SRRT: variants seen among roughly 807,000 people sequenced by gnomAD.
SRRT encodes serrate, RNA effector molecule.
SRRT carries 32 observed loss-of-function variants against 103.2 expected under a neutral mutation model. That is an observed-to-expected ratio of 0.31 (90% CI 0.23 to 0.42). The LOEUF (loss-of-function observed/expected upper bound fraction) is 0.42. Ranked by LOEUF, SRRT falls within the 10% of genes least tolerant of loss-of-function variation. SRRT has a pLI of 1.00. For missense variants in SRRT, 986 were observed against 1,207.5 expected, an observed-to-expected ratio of 0.82 and a Z score of 2.72; for synonymous variants, 525 against 449.0, an observed-to-expected ratio of 1.17 and a Z score of -2.14.
chr7:100,888,068 C>T lies in SRRT; in HGVS notation c.2353C>T (p.Leu785Phe), dbSNP rs1790332199. The T allele has an allele frequency of 1.9e-6, 3 of 1,567,684 alleles. No individual in the cohort carries two copies. Among genetic ancestry groups the T allele is most frequent in the Admixed American group, 4.0e-5 (2 of 50,584 alleles). ...ACTCCCCCCAGGTTTGACCCCAGGA[C>T]TCCCCTACCCACACCAGACTCCCCA... ...QILPPGLTPGLPYPHQTPQGL... is the reference protein window; with the variant it reads ...QILPPGLTPGFPYPHQTPQGL... Residue 785 changes from leucine to phenylalanine, a missense_variant, in exon 18 of 20, where the codon CTC (leucine) becomes TTC (phenylalanine). Leu to Phe is a conservative substitution (Grantham distance 22). This residue lies in a region of SRRT where 178 missense variants were observed against 189.6 expected (regional missense o/e 0.94). Transcript: ENST00000611405.
At chr7:100,876,382 C>A (rs1011260562) in intron 2 of SRRT, among the ~76,000 whole-genome samples, 1 of 152,154 alleles carries the variant, frequency 6.6e-6, no homozygotes, top group Non-Finnish European at 1.5e-5. Context: ...GAACTCTCGA[C>A]TTTAGGTAAT....
At chr7:100,877,961 C>T (rs919762175) in intron 2 of SRRT, among the ~76,000 whole-genome samples, 2 of 152,168 alleles carry the variant, frequency 1.3e-5, no homozygotes, top group Admixed American at 6.5e-5. Flanking sequence ...GAACCTGTTA[C>T]TTCAGTGTAA....
rs953012109 is a variant in SRRT, at chr7:100,875,560, C to T, written c.-18-13C>T. The T allele has an allele frequency of 1.9e-6, 3 of 1,612,964 alleles. No individual in the cohort carries two copies. The highest frequency in any genetic ancestry group is 2.5e-6 in the Non-Finnish European group (3 of 1,179,368). ...CTTTTGCACCACTCCTACCGCCTCTCCCCGGTCCCCAGGCCCCCTCAGACC... is the reference window on the plus strand; with the variant it reads ...CTTTTGCACCACTCCTACCGCCTCTTCCCGGTCCCCAGGCCCCCTCAGACC... On this transcript the variant is annotated splice_polypyrimidine_tract_variant and intron_variant, in intron 1 of 19. Transcript: ENST00000611405.
At position 100,886,883 on chromosome 7, in the gene SRRT, G is replaced by T; in HGVS notation, c.1736G>T (p.Ser579Ile). 1 of 1,614,166 alleles carries T rather than the reference G, an allele frequency of 6.2e-7. No homozygotes were observed. Among genetic ancestry groups the T allele is most frequent in the Non-Finnish European group, 8.5e-7 (1 of 1,180,012 alleles). Residue 579 changes from serine (S) to isoleucine (I), a missense_variant, in exon 14 of 20, where the codon AGC (serine) becomes ATC (isoleucine). Ser to Ile is a moderately radical substitution (Grantham distance 142). Around this residue, in one of 6 missense-constraint regions of SRRT, gnomAD observed 349 missense variants for 446.9 expected, o/e 0.78. Coordinates refer to ENST00000611405, the MANE Select transcript of SRRT (RefSeq NM_015908.6). ...GCCGAGGAGGAGGAGCTGCTGGGGAGCAGCGGGGGCGCTCCTCCTGAGGAG... is the reference window on the plus strand; with the variant it reads ...GCCGAGGAGGAGGAGCTGCTGGGGATCAGCGGGGGCGCTCCTCCTGAGGAG... ...VSAEEEELLG[S>I]SGGAPPEEPP... is the part of the protein sequence containing the mutation.
chr7:100,886,583 TC>T, intron 13 of SRRT, 148 bp downstream of exon 13: 1 of 970,508 alleles, frequency 1.0e-6, no homozygotes, highest in South Asian at 1.6e-5. Context: ...TAGCAGCACC[TC>T]CAGATTCCAG....
rs1316236651 is a variant in SRRT, at chr7:100,881,717, G to A, written c.310G>A (p.Gly104Ser). 2.5e-6 allele frequency: 4 copies of A among 1,614,094 alleles called. No individual in the cohort carries two copies. The highest frequency in any genetic ancestry group is 3.4e-6 in the Non-Finnish European group (4 of 1,180,024). ...SGYEMPYAGG[G>S]GGPTYGPPQP... Reference sequence around the variant, plus strand: ...CTATGAGATGCCCTATGCTGGGGGGGGTGGGGGCCCAACTTATGGCCCCCC... The same window carrying A: ...CTATGAGATGCCCTATGCTGGGGGGAGTGGGGGCCCAACTTATGGCCCCCC... The change falls in exon 4 of 20, where the codon GGT becomes AGT. Residue 104 changes from glycine (G) to serine (S), a missense_variant. Gly to Ser is a moderately conservative substitution (Grantham distance 56, BLOSUM62 0). Around this residue, in one of 6 missense-constraint regions of SRRT, gnomAD observed 274 missense variants for 358.5 expected, o/e 0.76. Transcript: ENST00000611405.
intron 2 of SRRT, among the ~76,000 whole-genome samples, chr7:100,881,024 G>A (rs1046350495): frequency 6.6e-6 from 1 of 151,918 alleles, no homozygotes; most frequent in Non-Finnish European, 1.5e-5. Context: ...TTTTAGTCTG[G>A]TATCTCAGGG....
At chr7:100,886,030 T>C in intron 12 of SRRT, 89 bp downstream of exon 12, 1 of 1,481,104 alleles carries the variant, frequency 6.8e-7, no homozygotes, top group South Asian at 1.1e-5. Flanking sequence ...TCTGATAGTT[T>C]GGTTGTTCTG....
In SRRT at chr7:100,882,076, A is replaced by T; in HGVS notation, c.422A>T (p.Asp141Val). ...AGGCTGGGCAGCATTGCAGAGATTG[A>T]CCTGGGTGTGCCGCCGCCCGTGATG... is the stretch of plus-strand genomic sequence containing the variant. ...QARLGSIAEIDLGVPPPVMKT... is the reference protein window; with the variant it reads ...QARLGSIAEIVLGVPPPVMKT... Residue 141 changes from aspartate (D) to valine (V), a missense_variant, in exon 5 of 20, where the codon GAC (aspartate) becomes GTC (valine). Around this residue, in one of 6 missense-constraint regions of SRRT, gnomAD observed 274 missense variants for 358.5 expected, o/e 0.76. Coordinates refer to ENST00000611405, the MANE Select transcript of SRRT (RefSeq NM_015908.6). This position sits in a 1 kb window ranked among gnomAD's most constrained non-coding sequence, Gnocchi z 4.2. The T allele has an allele frequency of 6.2e-7, 1 of 1,613,586 alleles. No individual in the cohort carries two copies. The highest frequency in any genetic ancestry group is 8.5e-7 in the Non-Finnish European group (1 of 1,179,872).
chr7:100,877,657 G>T (rs999394862), intron 2 of SRRT, among the ~76,000 whole-genome samples: 1 of 151,676 alleles, frequency 6.6e-6, no homozygotes, highest in African/African-American at 2.4e-5. Context: ...GAGTTGCTGG[G>T]ATTACAGGTG....
intron 2 of SRRT, 109 bp from the exon 3 acceptor site, chr7:100,881,176 C>G: frequency 7.8e-7 from 1 of 1,278,302 alleles, no homozygotes; most frequent in Admixed American, 2.1e-5. Flanking sequence ...AGGTTGGTCT[C>G]GAACTCCTGG....
Position 100,885,846 on chromosome 7 carries a change from TTTTC to T in SRRT, c.1380-10_1380-7del, listed in dbSNP as rs1790040762. 1.2e-6 allele frequency: 2 copies of T among 1,613,922 alleles called. No homozygotes were observed. The highest frequency in any genetic ancestry group is 1.3e-5 in the African/African-American group (1 of 74,866). On this transcript the variant is annotated splice_polypyrimidine_tract_variant and intron_variant, in intron 11 of 19. Coordinates refer to ENST00000611405, the MANE Select transcript of SRRT (RefSeq NM_015908.6). The surrounding 1 kb of genome is among the most constrained non-coding windows in gnomAD (Gnocchi z 4.8). ...ACTCCCTCGCTTGACTATGCTAACA[TTTTC>T]TTTCTTGTGTAGGTTTTTCCGTCGT...
At position 100,887,648 on chromosome 7, in the gene SRRT, G is replaced by A. The variant is rs1298131801; in HGVS notation, c.2170-55G>A. The A allele has an allele frequency of 3.8e-6, 6 of 1,583,988 alleles. No homozygotes were observed. The highest frequency in any genetic ancestry group is 3.4e-5 in the Admixed American group (2 of 58,554). On this transcript the variant is annotated intron_variant, in intron 16 of 19. Coordinates refer to ENST00000611405, the MANE Select transcript of SRRT (RefSeq NM_015908.6). This position sits in a 1 kb window ranked among gnomAD's most constrained non-coding sequence, Gnocchi z 4.1. ...CTGGGAATCCTTCCAGCTCGGGCCTGGGAGCGAGGCAACCCTTATGTGGCT... is the reference window on the plus strand; with the variant it reads ...CTGGGAATCCTTCCAGCTCGGGCCTAGGAGCGAGGCAACCCTTATGTGGCT...
rs143173043 is a variant in SRRT at position 100,884,777 on chromosome 7, A to C, written c.980A>C (p.Lys327Thr). ...NDSSNDDKTK[K>T]SEGDGDKEEK... The stretch of plus-strand genomic sequence containing the variant: ...AGTTCTAATGATGACAAAACAAAGA[A>C]GTCGGAGGGTGATGGGGACAAGGAA... Residue 327 changes from lysine to threonine, a missense_variant, in exon 8 of 20, where the codon AAG (lysine) becomes ACG (threonine). Physicochemically the swap from Lys to Thr is moderately conservative, Grantham distance 78 (BLOSUM62 -1). This residue lies in a region of SRRT where 166 missense variants were observed against 148.6 expected (regional missense o/e 1.12). Transcript: ENST00000611405. 3.7e-5 allele frequency: 59 copies of C among 1,614,038 alleles called. No homozygotes were observed. The African/African-American group carries it at 7.7e-4, about 21-fold the overall frequency.
rs375704625 is a variant in SRRT at position 100,885,748 on chromosome 7, C to G, written c.1365C>G (p.Pro455=). The change falls in exon 11 of 20, where the codon CCC becomes CCG. Residue 455 remains proline (P), a synonymous_variant. Transcript: ENST00000611405. This position sits in a 1 kb window ranked among gnomAD's most constrained non-coding sequence, Gnocchi z 4.8. ...TTATGCGGGTGGCGCTCTCAGAGCC[C>G]CAGCCAGAGAGGAGGTGAGTAACTC... ...PGFMRVALSE[P]QPERRFFRRG... is the part of the protein sequence containing the mutation. 6.2e-6 allele frequency: 10 copies of G among 1,614,004 alleles called. No individual in the cohort carries two copies. Among genetic ancestry groups the G allele is most frequent in the Non-Finnish European group, 7.6e-6 (9 of 1,179,974 alleles).
At chr7:100,880,526 C>T (rs927463763) in intron 2 of SRRT, among the ~76,000 whole-genome samples, 3 of 152,112 alleles carry the variant, frequency 2.0e-5, no homozygotes, top group Admixed American at 6.5e-5. Flanking sequence ...AGGATGGTCT[C>T]GATCTCCTGA....
At chr7:100,881,979 C>T (rs1789619420) in intron 4 of SRRT, 74 bp from the exon 5 acceptor site, 1 of 1,535,628 alleles carries the variant, frequency 6.5e-7, no homozygotes, top group Non-Finnish European at 8.7e-7. Flanking sequence ...GTAAAGGGGC[C>T]CCAGCTACTT....
chr7:100,888,379 A>G lies in SRRT; in HGVS notation c.2551A>G (p.Asn851Asp). 1 of 1,613,898 alleles carries G rather than the reference A, an allele frequency of 6.2e-7. No homozygotes were observed. The highest frequency in any genetic ancestry group is 8.5e-7 in the Non-Finnish European group (1 of 1,179,830). The change falls in exon 19 of 20, where the codon AAC becomes GAC. Residue 851 changes from asparagine (N) to aspartate (D), a missense_variant. This residue lies in a region of SRRT where 178 missense variants were observed against 189.6 expected (regional missense o/e 0.94). Transcript: ENST00000611405. Reference protein sequence around the residue: ...GQGGYPGKPRNRMVRGDPRAI... With the variant: ...GQGGYPGKPRDRMVRGDPRAI... ...GGGAGGTTATCCTGGGAAACCTCGCAACAGGTGAGGAGGGCAGACGCCCAA... is the reference window on the plus strand; with the variant it reads ...GGGAGGTTATCCTGGGAAACCTCGCGACAGGTGAGGAGGGCAGACGCCCAA...
intron 2 of SRRT, 29 bp from the exon 3 acceptor site, chr7:100,881,256 T>C: frequency 6.3e-7 from 1 of 1,599,104 alleles, no homozygotes; most frequent in Non-Finnish European, 8.6e-7. Flanking sequence ...GCCTGGCCTT[T>C]AATCTTTGTT....
Sources: gnomAD v4.1 joint callset for allele counts (sites outside exome capture counted in the v4.1 genomes callset) on GRCh38, gnomAD v4.1.1 for gene constraint, gnomAD v4.1.1 regional missense constraint, Gnocchi (gnomAD v3.1) non-coding constraint, MANE v1.5 for transcripts, NCBI Gene and HGNC (gene_info 2026-07-23, HGNC 2026-07-21) for gene names.